PCDH7: variants seen among roughly 807,000 people sequenced by gnomAD.
PCDH7 encodes the protein protocadherin 7.
A neutral mutation model predicts 58.9 loss-of-function variants in PCDH7; 17 were observed. The ratio of observed to expected loss-of-function variants is 0.29; its 90% confidence interval spans 0.20 to 0.43. The LOEUF is 0.43. Among genes scored for constraint, PCDH7 ranks in the 20% least tolerant of loss-of-function variants. PCDH7 has a pLI of 1.00. For missense variants in PCDH7, 1,274 were observed against 1,441.0 expected (o/e 0.88, Z 1.88); for synonymous variants, 664 against 616.4 (o/e 1.08, Z -1.14).
intron 3 of PCDH7, among the ~76,000 whole-genome samples, chr4:31,049,032 G>A (rs1756525082): frequency 6.6e-6 from 1 of 152,034 alleles, no homozygotes; most frequent in African/African-American, 2.4e-5. Flanking sequence ...AAGTTTTAGG[G>A]TACATGTGCA....
Position 30,935,787 on chromosome 4 carries a change from T to G in PCDH7, c.288-14333T>G, listed in dbSNP as rs531738037. 4.4e-4 allele frequency among the ~76,000 whole-genome samples: 67 copies of G among 152,238 alleles called. No individual in the cohort carries two copies. In the South Asian group the frequency reaches 8.7e-3, roughly 20 times the overall value. On this transcript the variant is annotated intron_variant, in intron 2 of 3. Coordinates refer to the PCDH7 transcript ENST00000509759. ...TTAGGCACCAATTCCTAGCCCTTATTCACGTCTCCATTTAAACTGCTAATT... is the reference window on the plus strand; with the variant it reads ...TTAGGCACCAATTCCTAGCCCTTATGCACGTCTCCATTTAAACTGCTAATT...
At chr4:30,776,564 T>C (rs1255401612) in intron 1 of PCDH7, among the ~76,000 whole-genome samples, 2 of 152,180 alleles carry the variant, frequency 1.3e-5, no homozygotes, top group African/African-American at 4.8e-5. Context: ...GTAAATCAAG[T>C]ATATCTGTTC....
chr4:31,103,055 A>C (rs1218709622), intron 3 of PCDH7, among the ~76,000 whole-genome samples: 1 of 152,230 alleles, frequency 6.6e-6, no homozygotes, highest in East Asian at 1.9e-4. Context: ...GCATATAGAA[A>C]AAATATAATA....
chr4:30,725,024 A>T (rs1017653416), intron 1 of PCDH7: 1 of 1,008,040 alleles, frequency 9.9e-7, no homozygotes, highest in African/African-American at 1.7e-5. Flanking sequence ...TGTCTATGCA[A>T]ATTGGATTCC....
intron 3 of PCDH7, among the ~76,000 whole-genome samples, chr4:31,041,423 T>C (rs1265987327): frequency 6.6e-6 from 1 of 152,174 alleles, no homozygotes; most frequent in African/African-American, 2.4e-5. Context: ...TGCTCCTTGC[T>C]TAGCATGATG....
chr4:30,864,065 G>T (rs985975580), intron 1 of PCDH7, among the ~76,000 whole-genome samples: 1 of 152,108 alleles, frequency 6.6e-6, no homozygotes, highest in African/African-American at 2.4e-5. Context: ...AAGACTGGCA[G>T]AGGAATTCTG....
At chr4:30,753,680 G>A (rs142171004) in intron 1 of PCDH7, among the ~76,000 whole-genome samples, 1 of 152,246 alleles carries the variant, frequency 6.6e-6, no homozygotes, top group Non-Finnish European at 1.5e-5. Context: ...CCCCTTGACT[G>A]TTTTTAGCTC....
At chr4:31,004,707 TA>T (rs1752629411) in intron 3 of PCDH7, among the ~76,000 whole-genome samples, 1 of 152,086 alleles carries the variant, frequency 6.6e-6, no homozygotes, top group Admixed American at 6.6e-5. Flanking sequence ...ACGACAGTAA[TA>T]ACATCCAATA....
chr4:30,801,641 T>C (rs1725536440), intron 1 of PCDH7, among the ~76,000 whole-genome samples: 1 of 152,166 alleles, frequency 6.6e-6, no homozygotes, highest in African/African-American at 2.4e-5. Context: ...TTTAAAGAAA[T>C]AGAACTCAAG....
chr4:31,127,571 G>A (rs899296628), intron 3 of PCDH7, among the ~76,000 whole-genome samples: 1 of 152,110 alleles, frequency 6.6e-6, no homozygotes, highest in Non-Finnish European at 1.5e-5. Context: ...TTATGAGTAG[G>A]TTCATCACAA....
intron 3 of PCDH7, among the ~76,000 whole-genome samples, chr4:31,117,430 A>C (rs1159686695): frequency 6.6e-6 from 1 of 152,014 alleles, no homozygotes; most frequent in Non-Finnish European, 1.5e-5. Flanking sequence ...TATATATTTG[A>C]AGCATTTGAC....
rs754789227 is a variant in PCDH7 at position 30,722,139 on chromosome 4, C to G, written c.717C>G (p.Gly239=). 6.8e-7 allele frequency: 1 copy of G among 1,462,484 alleles called. No homozygotes were observed. The highest frequency in any genetic ancestry group is 1.4e-5 in the South Asian group (1 of 72,378). 90.6% of individuals were successfully genotyped at this position (1,462,484 alleles called of 1,614,324 possible). Reference sequence around the variant, plus strand: ...GCGGCGGCGGCACCAACCCCGGCGGCCGCAGCAGCGTGTTCGAGCTGCAGG... The same window carrying G: ...GCGGCGGCGGCACCAACCCCGGCGGGCGCAGCAGCGTGTTCGAGCTGCAGG... The change falls in exon 1 of 2, where the codon GGC becomes GGG. Residue 239 remains glycine, a synonymous_variant. Transcript: ENST00000361762. The surrounding 1 kb of genome is among the most constrained non-coding windows in gnomAD (Gnocchi z 7.6).
intron 1 of PCDH7, among the ~76,000 whole-genome samples, chr4:30,807,729 T>C (rs1006860658): frequency 1.3e-5 from 2 of 152,018 alleles, no homozygotes; most frequent in African/African-American, 4.8e-5. Flanking sequence ...ACCCAGCACA[T>C]ACTATCATAG....
intron 1 of PCDH7, among the ~76,000 whole-genome samples, chr4:30,837,300 A>G (rs1005767907): frequency 1.3e-5 from 2 of 152,064 alleles, no homozygotes; most frequent in African/African-American, 4.8e-5. Context: ...AGGGCCCTGC[A>G]TGGACTGTCT....
intron 3 of PCDH7, among the ~76,000 whole-genome samples, chr4:31,049,191 T>G (rs1756545825): frequency 6.6e-6 from 1 of 152,006 alleles, no homozygotes; most frequent in African/African-American, 2.4e-5. Flanking sequence ...GATGTTCCCC[T>G]TCCTGTGTCC....
intron 3 of PCDH7, among the ~76,000 whole-genome samples, chr4:31,080,435 T>C (rs1213965411): frequency 3.9e-5 from 6 of 152,154 alleles, no homozygotes; most frequent in Admixed American, 1.3e-4. Flanking sequence ...GTACCTGTGA[T>C]TACAGAACAA....
chr4:31,012,896 G>C (rs1753299544), intron 3 of PCDH7, among the ~76,000 whole-genome samples: 1 of 149,732 alleles, frequency 6.7e-6, no homozygotes, highest in Non-Finnish European at 1.5e-5. Flanking sequence ...TGTGGTCCCA[G>C]ATACTCTAGA....
At chr4:30,940,891 AT>A (rs940041573) in intron 2 of PCDH7, among the ~76,000 whole-genome samples, 1 of 151,768 alleles carries the variant, frequency 6.6e-6, no homozygotes, top group Non-Finnish European at 1.5e-5. Flanking sequence ...AGTATACCAT[AT>A]TTTTTTTCGG....
intron 3 of PCDH7, among the ~76,000 whole-genome samples, chr4:30,958,093 C>T (rs940972989): frequency 4.6e-5 from 7 of 151,706 alleles, no homozygotes; most frequent in African/African-American, 1.7e-4. Flanking sequence ...CAAAACTAGG[C>T]AGAACAAACT....
Sources: allele counts gnomAD v4.1 joint callset (sites outside exome capture counted in the v4.1 genomes callset), GRCh38; gene constraint gnomAD v4.1.1; non-coding constraint Gnocchi (gnomAD v3.1); transcripts MANE v1.5; gene names NCBI Gene and HGNC (gene_info 2026-07-23, HGNC 2026-07-21).